Variants in TFCP2 observed in about 807,000 individuals in gnomAD.
The protein encoded by TFCP2 is alpha-globin transcription factor CP2.
TFCP2 carries 33 observed loss-of-function variants against 73.4 expected under a neutral mutation model. The ratio of observed to expected loss-of-function variants is 0.45; its 90% CI spans 0.34 to 0.60. The LOEUF (loss-of-function observed/expected upper bound fraction) is 0.60, where lower values mean the gene tolerates loss of function less well. TFCP2 is among the 20% of genes least tolerant of loss of function. The pLI, the probability that TFCP2 is intolerant of heterozygous loss-of-function variation, is 0.01. For missense variants in TFCP2, 352 were observed against 604.0 expected (o/e 0.58, Z 4.37); for synonymous variants, 193 against 211.6 (o/e 0.91, Z 0.76).
At chr12:51,121,719 G>A (rs1940679570) in intron 1 of TFCP2, among the ~76,000 whole-genome samples, 1 of 151,842 alleles carries the variant, frequency 6.6e-6, no homozygotes, top group Non-Finnish European at 1.5e-5. Context: ...GCCCACCTCA[G>A]CCTCCCAAAG....
At chr12:51,165,091 ACACCTGTAATCCTAG>A (rs1057226226) in intron 1 of TFCP2, among the ~76,000 whole-genome samples, 17 of 152,268 alleles carry the variant, frequency 1.1e-4, no homozygotes, top group Middle Eastern at 6.8e-3. Flanking sequence ...ATGGTGGCTC[ACACCTGTAATCCTAG>A]CACTTTGGGA....
intron 8 of TFCP2, among the ~76,000 whole-genome samples, chr12:51,106,200 C>T (rs1414312824): frequency 6.6e-6 from 1 of 151,996 alleles, no homozygotes; most frequent in Non-Finnish European, 1.5e-5. Flanking sequence ...ATGAAATAAC[C>T]ACAAGATGTG....
chr12:51,107,148 A>G (rs1414568742), intron 7 of TFCP2, 88 bp downstream of exon 7: 1 of 1,049,484 alleles, frequency 9.5e-7, no homozygotes, highest in Non-Finnish European at 1.4e-6. Flanking sequence ...AAGGCTTAGG[A>G]GAAGTAAATT....
At chr12:51,159,696 C>G (rs1362157621) in intron 1 of TFCP2, among the ~76,000 whole-genome samples, 3 of 152,056 alleles carry the variant, frequency 2.0e-5, no homozygotes, top group Non-Finnish European at 4.4e-5. Context: ...CTATGTTGCC[C>G]AGGCTGGCCT....
At chr12:51,146,847 TCTC>T (rs981083459) in intron 1 of TFCP2, among the ~76,000 whole-genome samples, 1 of 152,220 alleles carries the variant, frequency 6.6e-6, no homozygotes, top group African/African-American at 2.4e-5. Context: ...TGTCTTATCT[TCTC>T]CATCAAATTG....
intron 8 of TFCP2, among the ~76,000 whole-genome samples, chr12:51,104,680 C>T (rs1457611368): frequency 6.6e-6 from 1 of 151,590 alleles, no homozygotes; most frequent in African/African-American, 2.4e-5. Context: ...TTATGCAATG[C>T]AATATCATCA....
At chr12:51,100,928 T>TTAC (rs1940095865) in intron 11 of TFCP2, among the ~76,000 whole-genome samples, 1 of 152,180 alleles carries the variant, frequency 6.6e-6, no homozygotes, top group African/African-American at 2.4e-5. Context: ...TTTTCATCAG[T>TTAC]TACTACTACC....
At chr12:51,110,222 A>C (rs1272657826) in intron 5 of TFCP2, among the ~76,000 whole-genome samples, 2 of 152,230 alleles carry the variant, frequency 1.3e-5, no homozygotes, top group Non-Finnish European at 2.9e-5. Context: ...TACGCAAATC[A>C]AATTTTAAGT....
intron 1 of TFCP2, among the ~76,000 whole-genome samples, chr12:51,148,419 G>A (rs11169720): frequency 0.058 from 8,815 of 152,242 alleles, 493 homozygotes; most frequent in East Asian, 0.18. Flanking sequence ...AGAAAATGTG[G>A]TGGCCGGGCG....
chr12:51,130,612 G>A (rs1301099137), intron 1 of TFCP2, among the ~76,000 whole-genome samples: 2 of 152,144 alleles, frequency 1.3e-5, no homozygotes, highest in Non-Finnish European at 2.9e-5. Context: ...TTTTCCATCT[G>A]CTATAGAAGG....
chr12:51,097,718 ATATGT>A (rs1375261250), intron 13 of TFCP2, among the ~76,000 whole-genome samples: 2 of 152,094 alleles, frequency 1.3e-5, no homozygotes, highest in African/African-American at 4.8e-5. Flanking sequence ...GTGCATAAAA[ATATGT>A]TATGGTAAGA....
intron 1 of TFCP2, among the ~76,000 whole-genome samples, chr12:51,139,132 C>T (rs1941132028): frequency 6.6e-6 from 1 of 152,132 alleles, no homozygotes; most frequent in Non-Finnish European, 1.5e-5. Flanking sequence ...AAGCCTCAAC[C>T]CTCCTCAGGC....
At chr12:51,142,878 G>T (rs1391809707) in intron 1 of TFCP2, among the ~76,000 whole-genome samples, 1 of 151,974 alleles carries the variant, frequency 6.6e-6, no homozygotes, top group South Asian at 2.1e-4. Context: ...GGTCACCAAT[G>T]ACTTCCATGT....
At chr12:51,135,675 G>C (rs2137008815) in intron 1 of TFCP2, among the ~76,000 whole-genome samples, 1 of 152,136 alleles carries the variant, frequency 6.6e-6, no homozygotes, top group African/African-American at 2.4e-5. Context: ...GGAGGGATTG[G>C]TGAGCTTAAT....
chr12:51,104,992 G>A (rs538263920), intron 8 of TFCP2, among the ~76,000 whole-genome samples: 43 of 152,054 alleles, frequency 2.8e-4, no homozygotes, highest in African/African-American at 9.9e-4. Context: ...GATTACAGGC[G>A]TGAGCCACCG....
At chr12:51,101,837 G>A (rs1163151467) in intron 11 of TFCP2, 98 bp downstream of exon 11, 2 of 670,362 alleles carry the variant, frequency 3.0e-6, no homozygotes, top group African/African-American at 3.6e-5. Flanking sequence ...AATGTTTTGA[G>A]AAGGTGTATT....
At chr12:51,125,239 G>A (rs1451489435) in intron 1 of TFCP2, 1 of 598,664 alleles carries the variant, frequency 1.7e-6, no homozygotes, top group Admixed American at 2.1e-5. Flanking sequence ...CCCATGGGAT[G>A]AGAAAGTGAG....
rs1336099133 is a variant in TFCP2 at position 51,093,884 on chromosome 12, TA to T, written c.*1356del. The T allele has an allele frequency of 6.7e-6, 1 of 149,726 alleles. No individual in the cohort carries two copies. The highest frequency in any genetic ancestry group is 1.5e-5 in the Non-Finnish European group (1 of 67,536). 9.3% of individuals were successfully genotyped at this position (149,726 alleles called of 1,614,324 possible). ...CAAATCCAAATCCAATACACAATCT[TA>T]GAACATTATCTTTGTGTACCTCAAC... On this transcript the variant is annotated 3_prime_UTR_variant, in exon 15 of 15. Transcript: ENST00000257915.
In TFCP2 at chr12:51,110,966, C is replaced by T. The variant is rs1940384500; in HGVS notation, c.475G>A (p.Gly159Ser). The change falls in exon 5 of 15, where the codon GGT becomes AGT. Residue 159 changes from glycine to serine, a missense_variant. Physicochemically the swap from Gly to Ser is moderately conservative, Grantham distance 56. Coordinates refer to ENST00000257915, the MANE Select transcript of TFCP2 (RefSeq NM_005653.5). ...ILDIDIPMSV[G>S]IIDPRANPTQ... ...GGATTAGCCCTAGGATCGATTATAC[C>T]CACAGACATCGGGATATCTGAGAAA... The T allele has an allele frequency of 6.2e-7, 1 of 1,613,132 alleles. No individual in the cohort carries two copies. The highest frequency in any genetic ancestry group is 1.1e-5 in the South Asian group (1 of 91,058).
Sources: allele counts gnomAD v4.1 joint callset (sites outside exome capture counted in the v4.1 genomes callset), GRCh38; gene constraint gnomAD v4.1.1; transcripts MANE v1.5; gene names NCBI Gene and HGNC (gene_info 2026-07-23, HGNC 2026-07-21).